Variants in STARD13 observed in about 807,000 individuals in gnomAD.
The protein encoded by STARD13 is StAR related lipid transfer domain containing 13.
A neutral mutation model predicts 106.4 loss-of-function variants in STARD13; 62 were observed. The observed-to-expected ratio is 0.58, with a 90% CI of 0.48 to 0.72. The LOEUF (loss-of-function observed/expected upper bound fraction) is 0.72. Ranked by LOEUF, STARD13 falls within the 30% of genes least tolerant of loss-of-function variation. The pLI is 0.00. For missense variants in STARD13, 1,387 were observed against 1,424.0 expected, an observed-to-expected ratio of 0.97 and a Z score of 0.42; for synonymous variants, 565 against 553.0, an observed-to-expected ratio of 1.02 and a Z score of -0.31.
At chr13:33,214,250 A>G (rs1190951978) in intron 1 of STARD13, among the ~76,000 whole-genome samples, 4 of 152,174 alleles carry the variant, frequency 2.6e-5, no homozygotes, top group Non-Finnish European at 5.9e-5. Context: ...TTTTGGTTTT[A>G]TATCTGACTG....
At chr13:33,311,332 G>C (rs1234950019) in intron 1 of STARD13, among the ~76,000 whole-genome samples, 1 of 151,896 alleles carries the variant, frequency 6.6e-6, no homozygotes, top group Non-Finnish European at 1.5e-5. Flanking sequence ...GATAAAAAGA[G>C]TGCACCTGTA....
chr13:33,110,952 A>C (rs761854682), intron 10 of STARD13, 45 bp from the exon 11 acceptor site: 7 of 1,546,684 alleles, frequency 4.5e-6, no homozygotes, highest in Non-Finnish European at 5.3e-6. Context: ...GAGCCAAAGA[A>C]ACGCCGAGAC....
rs547795644 is a variant in STARD13, at chr13:33,207,152, G to A, written c.170-39530C>T. Among the ~76,000 whole-genome samples, 9 of 152,318 alleles carry A rather than the reference G, an allele frequency of 5.9e-5. No individual in the cohort carries two copies. The South Asian group carries it at 1.0e-3, about 18-fold the overall frequency. Reference sequence around the variant, plus strand: ...GGAGAGCTAAAGATGAAAGGATTCCGGGAGTAAGGTGCAGAGTATACAGTG... The same window carrying A: ...GGAGAGCTAAAGATGAAAGGATTCCAGGAGTAAGGTGCAGAGTATACAGTG... On this transcript the variant is annotated intron_variant, in intron 1 of 13. Coordinates refer to ENST00000336934, the MANE Select transcript of STARD13 (RefSeq NM_178006.4).
the STARD13 span, among the ~76,000 whole-genome samples, chr13:33,382,227 G>A: frequency 6.6e-6 from 1 of 152,138 alleles, no homozygotes; most frequent in African/African-American, 2.4e-5. Context: ...AATTTCTTTC[G>A]AGCAAATTAC....
intron 3 of STARD13, among the ~76,000 whole-genome samples, chr13:33,162,776 A>G (rs970455604): frequency 4.6e-5 from 7 of 151,592 alleles, no homozygotes; most frequent in African/African-American, 1.7e-4. Context: ...TTCAAAGCCA[A>G]TCAACAAGTT....
At chr13:33,428,069 C>G in the STARD13 span, among the ~76,000 whole-genome samples, 1 of 151,856 alleles carries the variant, frequency 6.6e-6, no homozygotes, top group African/African-American at 2.4e-5. Context: ...TAGGAACATA[C>G]AATGGGGACA....
chr13:33,484,083 G>T, the STARD13 span, among the ~76,000 whole-genome samples: 8 of 152,174 alleles, frequency 5.3e-5, no homozygotes, highest in African/African-American at 1.9e-4. Flanking sequence ...ATAACAGTGA[G>T]AAAATTAAGA....
At chr13:33,613,276 G>A in the STARD13 span, among the ~76,000 whole-genome samples, 2 of 152,200 alleles carry the variant, frequency 1.3e-5, no homozygotes, top group Non-Finnish European at 2.9e-5. Context: ...GCTCAGAAAG[G>A]GTGAGTCTAA....
chr13:33,668,683 G>A, the STARD13 span, among the ~76,000 whole-genome samples: 67 of 152,278 alleles, frequency 4.4e-4, no homozygotes, highest in Non-Finnish European at 6.2e-4. Context: ...GATGCTCACC[G>A]CTAGTTCTTC....
At chr13:33,240,233 A>C (rs550715495) in intron 1 of STARD13, among the ~76,000 whole-genome samples, 1 of 152,074 alleles carries the variant, frequency 6.6e-6, no homozygotes, top group Non-Finnish European at 1.5e-5. Context: ...ATTCTGTTCC[A>C]TTGTTCCATA....
chr13:33,362,214 G>C, the STARD13 span, among the ~76,000 whole-genome samples: 3 of 152,072 alleles, frequency 2.0e-5, no homozygotes, highest in Admixed American at 6.5e-5. Context: ...TTACAATCAT[G>C]GTGGAAGGGG....
At chr13:33,556,548 T>C in the STARD13 span, among the ~76,000 whole-genome samples, 5 of 152,148 alleles carry the variant, frequency 3.3e-5, no homozygotes, top group Admixed American at 6.5e-5. Context: ...TCCCAAAGCA[T>C]TGAGATTACA....
chr13:33,149,720 A>G (rs2858813), intron 3 of STARD13, among the ~76,000 whole-genome samples: 65,584 of 152,098 alleles, frequency 0.43, 14,827 homozygotes, highest in East Asian at 0.58. Context: ...AGATTCTGTA[A>G]GAATACAAAT....
At chr13:33,431,786 CA>C in the STARD13 span, among the ~76,000 whole-genome samples, 1 of 152,232 alleles carries the variant, frequency 6.6e-6, no homozygotes, top group South Asian at 2.1e-4. Flanking sequence ...TTGATTCATT[CA>C]AAAAATATAT....
chr13:33,482,282 C>G, the STARD13 span, among the ~76,000 whole-genome samples: 23 of 152,232 alleles, frequency 1.5e-4, 2 homozygotes, highest in East Asian at 4.3e-3. Flanking sequence ...CATGGCTACT[C>G]TTCTATCTAG....
At chr13:33,600,633 A>T in the STARD13 span, among the ~76,000 whole-genome samples, 2 of 152,180 alleles carry the variant, frequency 1.3e-5, no homozygotes, top group African/African-American at 4.8e-5. Flanking sequence ...TGCAGGTTTA[A>T]TTTTTTTCAA....
chr13:33,437,485 A>G, the STARD13 span, among the ~76,000 whole-genome samples: 4 of 152,228 alleles, frequency 2.6e-5, no homozygotes, highest in African/African-American at 9.6e-5. Flanking sequence ...TCTCTGCTAA[A>G]ACGGAGCAAA....
intron 1 of STARD13, among the ~76,000 whole-genome samples, chr13:33,216,207 C>A (rs868553381): frequency 6.6e-6 from 1 of 152,172 alleles, no homozygotes; most frequent in Admixed American, 6.5e-5. Flanking sequence ...AGCAATCTCA[C>A]TACTGGGTAT....
At chr13:33,260,371 A>C (rs537577856) in intron 1 of STARD13, among the ~76,000 whole-genome samples, 3 of 152,378 alleles carry the variant, frequency 2.0e-5, no homozygotes, top group South Asian at 2.1e-4. Context: ...TGCTCGCTGC[A>C]GCTCACAGTG....
Sources: allele counts gnomAD v4.1 joint callset (sites outside exome capture counted in the v4.1 genomes callset), GRCh38; gene constraint gnomAD v4.1.1; transcripts MANE v1.5; gene names NCBI Gene and HGNC (gene_info 2026-07-23, HGNC 2026-07-21).